Variants in TUBB8 observed in about 807,000 individuals in gnomAD.
TUBB8 encodes the protein tubulin beta 8 class VIII.
In TUBB8, 25 loss-of-function variants were observed where a neutral mutation model predicts 33.7. That is an observed-to-expected ratio of 0.74 (90% CI 0.54 to 1.04). TUBB8 has a LOEUF of 1.04. Ranked by LOEUF, TUBB8 falls within the 50% of genes least tolerant of loss-of-function variation. TUBB8 has a pLI of 0.00. For synonymous variants in TUBB8, 245 were observed against 240.1 expected (o/e 1.02, Z -0.19); for missense variants, 279 against 608.0 (o/e 0.46, Z 5.69).
rs377568434 is a variant in TUBB8 at position 48,712 on chromosome 10, C to T, written c.180G>A (p.Val60=). 95 of 1,611,590 alleles carry T rather than the reference C, an allele frequency of 5.9e-5. No individual in the cohort carries two copies. The Middle Eastern group carries it at 6.5e-4, about 11-fold the overall frequency. ...CCAGATCCACGAGCACAGCGCGGGG[C>T]ACGTACCTGCCACCTGCGTGGGGCG... ...YYNEASGGRY[V]PRAVLVDLEP... The change falls in exon 3 of 4, where the codon GTG becomes GTA. Residue 60 remains valine (V), a synonymous_variant. Coordinates refer to ENST00000568584, the MANE Select transcript of TUBB8 (RefSeq NM_177987.3).
At chr10:54,682 T>C (rs1554739970) in intron 1 of TUBB8, among the ~76,000 whole-genome samples, 1 of 152,232 alleles carries the variant, frequency 6.6e-6, no homozygotes, top group Non-Finnish European at 1.5e-5. Flanking sequence ...TTTTTTTCTA[T>C]AGAATGTTTT....
At chr10:54,706 T>G (rs1434256753) in intron 1 of TUBB8, among the ~76,000 whole-genome samples, 2 of 152,210 alleles carry the variant, frequency 1.3e-5, no homozygotes, top group Non-Finnish European at 2.9e-5. Context: ...CTCAATATAT[T>G]GTAGTGTATT....
intron 1 of TUBB8, among the ~76,000 whole-genome samples, chr10:54,959 T>G (rs1371121581): frequency 2.0e-5 from 3 of 152,214 alleles, no homozygotes; most frequent in Non-Finnish European, 4.4e-5. Flanking sequence ...CGTTTCACCA[T>G]CTTGGCCAGG....
At chr10:68,230 T>A (rs868931083) in intron 1 of TUBB8, among the ~76,000 whole-genome samples, 1 of 152,222 alleles carries the variant, frequency 6.6e-6, no homozygotes, top group South Asian at 2.1e-4. Context: ...AAGACTGATG[T>A]GAAGCCCACA....
At chr10:71,425 G>A (rs1475825589) in intron 1 of TUBB8, among the ~76,000 whole-genome samples, 4 of 151,958 alleles carry the variant, frequency 2.6e-5, no homozygotes, top group African/African-American at 9.7e-5. Context: ...CCTGAGGTCA[G>A]GAGTTCGAGA....
At chr10:58,284 C>G (rs1441524285) in intron 1 of TUBB8, among the ~76,000 whole-genome samples, 1 of 152,206 alleles carries the variant, frequency 6.6e-6, no homozygotes, top group African/African-American at 2.4e-5. Flanking sequence ...TCTCAACTTT[C>G]CCTCATTTTT....
chr10:46,715 T>A (rs1834332202), downstream of TUBB8: 3 of 358,270 alleles, frequency 8.4e-6, no homozygotes, highest in South Asian at 7.1e-5. Flanking sequence ...CATCCCCAAG[T>A]TCATGTGAAG....
At chr10:53,027 A>T (rs1834487975), upstream of TUBB8, among the ~76,000 whole-genome samples, 1 of 152,240 alleles carries the variant, frequency 6.6e-6, no homozygotes, top group Non-Finnish European at 1.5e-5. Context: ...AAGATTTCTC[A>T]GGATTGGACA....
intron 1 of TUBB8, among the ~76,000 whole-genome samples, chr10:68,908 C>T (rs1221527081): frequency 6.6e-6 from 1 of 152,140 alleles, no homozygotes; most frequent in Admixed American, 6.5e-5. Context: ...CTGAGCTGTC[C>T]CTCAGTTTCA....
chr10:47,807 G>C lies in TUBB8; in HGVS notation c.585C>G (p.Asn195Lys). Residue 195 changes from asparagine (N) to lysine (K), a missense_variant, in exon 4 of 4, where the codon AAC (asparagine) becomes AAG (lysine). Physicochemically the swap from Asn to Lys is moderately conservative, Grantham distance 94. Coordinates refer to ENST00000568584, the MANE Select transcript of TUBB8 (RefSeq NM_177987.3). ...ATLSVHQLIENADETFCIDNE... is the reference protein window; with the variant it reads ...ATLSVHQLIEKADETFCIDNE... ...TATCTATGCAAAAGGTCTCATCTGC[G>C]TTTTCTATGAGCTGGTGGACTGAGA... is the stretch of plus-strand genomic sequence containing the variant. 1 of 1,614,210 alleles carries C rather than the reference G, an allele frequency of 6.2e-7. No individual in the cohort carries two copies.
chr10:55,512 T>C (rs1834519323), intron 1 of TUBB8, among the ~76,000 whole-genome samples: 1 of 152,238 alleles, frequency 6.6e-6, no homozygotes, highest in Non-Finnish European at 1.5e-5. Flanking sequence ...TTTGTCCATG[T>C]TTGCTTTGGT....
chr10:65,018 C>G (rs1199979462), intron 1 of TUBB8, among the ~76,000 whole-genome samples: 1 of 150,876 alleles, frequency 6.6e-6, no homozygotes, highest in Non-Finnish European at 1.5e-5. Flanking sequence ...CATGTTGGCA[C>G]GCACCTGTGT....
intron 1 of TUBB8, among the ~76,000 whole-genome samples, chr10:69,047 G>A (rs1479681215): frequency 6.6e-6 from 1 of 152,216 alleles, no homozygotes; most frequent in Non-Finnish European, 1.5e-5. Context: ...ACCAGAAAGA[G>A]CACAATCCCC....
upstream of TUBB8, among the ~76,000 whole-genome samples, chr10:53,516 T>C (rs1409933920): frequency 1.3e-5 from 2 of 152,202 alleles, no homozygotes; most frequent in East Asian, 3.8e-4. Flanking sequence ...AGTAGAAGAC[T>C]GAGGACAAAC....
chr10:72,832 A>G (rs1834755763), intron 1 of TUBB8, among the ~76,000 whole-genome samples: 1 of 151,614 alleles, frequency 6.6e-6, no homozygotes, highest in Non-Finnish European at 1.5e-5. Context: ...AGCCTGGGAG[A>G]CAGAGCGACA....
At position 67,246 on chromosome 10, in the gene TUBB8, C is replaced by T. The variant is rs180900215; in HGVS notation, c.-846+6723G>A. Among the ~76,000 whole-genome samples the T allele has an allele frequency of 5.6e-3, 853 of 151,446 alleles. 4 individuals carry two copies. The highest frequency in any genetic ancestry group is 8.4e-3 in the Non-Finnish European group (571 of 67,906). On this transcript the variant is annotated intron_variant, in intron 1 of 3. Coordinates refer to the TUBB8 transcript ENST00000564130. ...AGCCTGTTGATTTCTGCCAAAAGGA[C>T]GTTGGGATTGTAACAGGAATCACAA...
intron 1 of TUBB8, among the ~76,000 whole-genome samples, chr10:67,614 C>A (rs375535474): frequency 5.8e-4 from 89 of 152,182 alleles, no homozygotes; most frequent in African/African-American, 2.1e-3. Flanking sequence ...TTAGTACAGA[C>A]GGGGTTTCAC....
chr10:49,505 C>A (rs1554739207), upstream of TUBB8: 6 of 665,474 alleles, frequency 9.0e-6, no homozygotes, highest in Non-Finnish European at 8.3e-6. Context: ...AGAACTTCCT[C>A]CCGCGTCTTT....
chr10:67,818 C>T (rs1554741824), intron 1 of TUBB8, among the ~76,000 whole-genome samples: 1 of 152,212 alleles, frequency 6.6e-6, no homozygotes, highest in Non-Finnish European at 1.5e-5. Flanking sequence ...GTCACGCAGG[C>T]TGGAATGCAG....
Sources: allele counts gnomAD v4.1 joint callset (sites outside exome capture counted in the v4.1 genomes callset), GRCh38; gene constraint gnomAD v4.1.1; transcripts MANE v1.5; gene names NCBI Gene and HGNC (gene_info 2026-07-23, HGNC 2026-07-21).